Variants in NPIPB11 observed in about 807,000 individuals in gnomAD.
NPIPB11 encodes the protein nuclear pore complex-interacting protein family member B11.
NPIPB11 carries 17 observed loss-of-function variants against 32.8 expected under a neutral mutation model. The observed-to-expected ratio is 0.52, with a 90% CI of 0.35 to 0.78. The LOEUF is 0.78. Ranked by LOEUF, NPIPB11 falls within the 30% of genes least tolerant of loss-of-function variation. The pLI is 0.01. For synonymous variants in NPIPB11, 209 were observed against 398.4 expected, an observed-to-expected ratio of 0.52 and a Z score of 5.66; for missense variants, 537 against 1,000.4, an observed-to-expected ratio of 0.54 and a Z score of 6.25.
intron 2 of NPIPB11, among the ~76,000 whole-genome samples, chr16:29,395,984 A>G (rs1294075527): frequency 6.6e-6 from 1 of 151,296 alleles, no homozygotes; most frequent in African/African-American, 2.4e-5. Context: ...TCTCAAAAAA[A>G]AAAAAAAAAT....
chr16:29,390,709 A>T (rs1963697694), intron 3 of NPIPB11, among the ~76,000 whole-genome samples: 1 of 151,794 alleles, frequency 6.6e-6, no homozygotes, highest in Non-Finnish European at 1.5e-5. Context: ...CACTCCTGTA[A>T]TCCCAGCACT....
At chr16:29,389,048 A>T (rs1297877089) in intron 5 of NPIPB11, among the ~76,000 whole-genome samples, 3 of 151,372 alleles carry the variant, frequency 2.0e-5, no homozygotes, top group African/African-American at 7.3e-5. Context: ...TACAAAAATT[A>T]TCCGGGCATG....
chr16:29,382,917 C>G, exon 8 of NPIPB11: 1 of 551,922 alleles, frequency 1.8e-6, no homozygotes, highest in East Asian at 2.9e-5. Flanking sequence ...GAAGCGGCCC[C>G]CGCAGACGCT....
chr16:29,406,446 C>T (rs868590569), upstream of NPIPB11, among the ~76,000 whole-genome samples: 10 of 152,174 alleles, frequency 6.6e-5, no homozygotes, highest in Admixed American at 3.3e-4. Context: ...GGCTGGGCAC[C>T]GTCACTCATG....
intron 2 of NPIPB11, among the ~76,000 whole-genome samples, chr16:29,401,109 A>C (rs189329051): frequency 1.3e-5 from 2 of 152,226 alleles, no homozygotes; most frequent in South Asian, 4.1e-4. Flanking sequence ...TTAGCACAAT[A>C]CATGCACGAC....
At chr16:29,391,319 T>C in intron 3 of NPIPB11, among the ~76,000 whole-genome samples, 1 of 147,692 alleles carries the variant, frequency 6.8e-6, no homozygotes, top group Admixed American at 6.8e-5. Context: ...AACTGTACAC[T>C]TCAACACGGT....
chr16:29,389,023 C>T (rs930596537), intron 5 of NPIPB11, among the ~76,000 whole-genome samples: 7 of 149,402 alleles, frequency 4.7e-5, no homozygotes, highest in East Asian at 2.0e-4. Flanking sequence ...GGTGAAACCC[C>T]GCCTCTACTA....
chr16:29,403,838 A>G (rs1244737391), exon 2 of NPIPB11: 1 of 1,547,316 alleles, frequency 6.5e-7, no homozygotes, highest in Admixed American at 1.9e-5. Context: ...GATGAGTGCC[A>G]ACCTATTAGA....
chr16:29,401,774 C>T (rs573357614), intron 2 of NPIPB11, among the ~76,000 whole-genome samples: 12 of 152,258 alleles, frequency 7.9e-5, no homozygotes, highest in African/African-American at 2.9e-4. Flanking sequence ...TCTCTTAGAG[C>T]AGCTGACAGC....
At chr16:29,398,856 C>A (rs1434315900) in intron 2 of NPIPB11, among the ~76,000 whole-genome samples, 1 of 152,120 alleles carries the variant, frequency 6.6e-6, no homozygotes, top group Non-Finnish European at 1.5e-5. Flanking sequence ...TCCCCCCTAA[C>A]CCACCTAGAC....
upstream of NPIPB11, among the ~76,000 whole-genome samples, chr16:29,406,451 C>G (rs545692323): frequency 2.0e-5 from 3 of 150,488 alleles, no homozygotes; most frequent in African/African-American, 7.3e-5. Flanking sequence ...GGCACCGTCA[C>G]TCATGCCTGT....
At chr16:29,398,663 C>CTAAT (rs1166063345) in intron 2 of NPIPB11, among the ~76,000 whole-genome samples, 1 of 151,806 alleles carries the variant, frequency 6.6e-6, no homozygotes, top group African/African-American at 2.4e-5. Flanking sequence ...TGATTAAAAG[C>CTAAT]TAATTCAAAA....
At chr16:29,397,603 G>T (rs1596681213) in intron 2 of NPIPB11, 4 of 1,507,112 alleles carry the variant, frequency 2.7e-6, no homozygotes, top group Non-Finnish European at 3.6e-6. Flanking sequence ...TCCAGCAGGA[G>T]CCCAAAGAGG....
intron 2 of NPIPB11, among the ~76,000 whole-genome samples, chr16:29,398,866 C>T (rs1963922769): frequency 6.6e-6 from 1 of 152,080 alleles, no homozygotes; most frequent in African/African-American, 2.4e-5. Flanking sequence ...CCCACCTAGA[C>T]ATTTTAACAT....
chr16:29,391,238 G>C (rs1462265590), intron 3 of NPIPB11, among the ~76,000 whole-genome samples: 1 of 131,336 alleles, frequency 7.6e-6, no homozygotes, highest in Non-Finnish European at 1.6e-5. Context: ...CTGCACTCCA[G>C]CCTGGTGACA....
At chr16:29,390,459 C>G (rs867681881) in intron 3 of NPIPB11, 111 bp from the exon 4 acceptor site, 3 of 1,544,054 alleles carry the variant, frequency 1.9e-6, no homozygotes, top group African/African-American at 1.4e-5. Context: ...GCAAGACCAG[C>G]CTGGCCAAGA....
rs1963668923 is a variant in NPIPB11, at chr16:29,389,847, A to G, written c.545+94T>C. ...TTTTGAACCTACTGAATTTGCCACA[A>G]ATATTGTAGAAAATATTCTCAAGGA... On this transcript the variant is annotated intron_variant, in intron 5 of 7. Coordinates refer to ENST00000524087, the Ensembl canonical transcript of NPIPB11. 2.6e-6 allele frequency: 4 copies of G among 1,567,140 alleles called. No individual in the cohort carries two copies. The African/African-American group carries it at 4.1e-5, about 16-fold the overall frequency.
rs1235392520 is a variant in NPIPB11 at position 29,397,591 on chromosome 16, A to G, written c.121-3515T>C. On this transcript the variant is annotated intron_variant, in intron 2 of 7. Transcript: ENST00000524087. Reference sequence around the variant, plus strand: ...ACACGGATGCACTGATGGCTGATAAATTCCAGCAGGAGCCCAAAGAGGAGC... The same window carrying G: ...ACACGGATGCACTGATGGCTGATAAGTTCCAGCAGGAGCCCAAAGAGGAGC... 9 of 1,511,040 alleles carry G rather than the reference A, an allele frequency of 6.0e-6. No homozygotes were observed. The Admixed American group carries it at 1.6e-4, about 27-fold the overall frequency. The allele number at this position is 1,511,040 out of a possible 1,614,324, so 93.6% of individuals were successfully genotyped here.
chr16:29,402,724 C>CGTGTGTG (rs1964023878), intron 2 of NPIPB11, among the ~76,000 whole-genome samples: 1 of 119,634 alleles, frequency 8.4e-6, no homozygotes, highest in African/African-American at 3.3e-5. Flanking sequence ...CTCTCTCTCT[C>CGTGTGTG]TGTGTGTGTG....
Sources: gnomAD v4.1 joint callset for allele counts (sites outside exome capture counted in the v4.1 genomes callset) on GRCh38, gnomAD v4.1.1 for gene constraint, MANE v1.5 for transcripts, NCBI Gene and HGNC (gene_info 2026-07-23, HGNC 2026-07-21) for gene names.